PHLDB3: variants seen among roughly 807,000 people sequenced by gnomAD.
PHLDB3 encodes pleckstrin homology-like domain family B member 3.
In PHLDB3, 86 loss-of-function variants were observed where a neutral mutation model predicts 85.7. That is an observed-to-expected ratio of 1.00 (90% CI 0.84 to 1.20). The LOEUF (loss-of-function observed/expected upper bound fraction) is 1.20. Ranked by LOEUF, PHLDB3 falls within the 50% of genes most tolerant of loss-of-function variation. PHLDB3 has a pLI of 0.00. For synonymous variants in PHLDB3, 376 were observed against 349.8 expected (o/e 1.07, Z -0.83); for missense variants, 995 against 873.0 (o/e 1.14, Z -1.76).
intron 14 of PHLDB3, among the ~76,000 whole-genome samples, 154 bp from the exon 15 acceptor site, chr19:43,478,286 G>T (rs545883816): frequency 6.6e-6 from 1 of 152,254 alleles, no homozygotes; most frequent in East Asian, 1.9e-4. Flanking sequence ...GGAGGTGAGT[G>T]AATGTTAACG....
rs1255441075 is a variant in PHLDB3 at position 43,502,246 on chromosome 19, G to T, written c.251C>A (p.Pro84His). The change falls in exon 3 of 16, where the codon CCT (proline) becomes CAT (histidine). Residue 84 changes from proline (P) to histidine (H), a missense_variant. By Grantham distance (77) the Pro-to-His change is moderately conservative. Transcript: ENST00000292140. The part of the protein sequence containing the change: ...ATPPIAMAAT[P>H]PASTSSREGV... ...TTCCCGCGAAGAGGTGGATGCGGGAGGTGTGGCCGCCATAGCTATCGGAGG... is the reference window on the plus strand; with the variant it reads ...TTCCCGCGAAGAGGTGGATGCGGGATGTGTGGCCGCCATAGCTATCGGAGG... 6.4e-7 allele frequency: 1 copy of T among 1,564,854 alleles called. No individual in the cohort carries two copies. The highest frequency in any genetic ancestry group is 1.9e-5 in the Admixed American group (1 of 52,902).
chr19:43,495,691 C>T lies in PHLDB3; in HGVS notation c.826-71G>A, dbSNP rs935527816. ...CCACCCTCCCACAGAACCACATCTG[C>T]CTGGAGGGCTGGGGTTTACTCCAGC... On this transcript the variant is annotated intron_variant, in intron 6 of 15. Coordinates refer to ENST00000292140, the MANE Select transcript of PHLDB3 (RefSeq NM_198850.4). 21 of 1,529,262 alleles carry T rather than the reference C, an allele frequency of 1.4e-5. No individual in the cohort carries two copies. In the African/African-American group the frequency reaches 2.2e-4, roughly 16 times the overall value. 94.7% of individuals were successfully genotyped at this position (1,529,262 alleles called of 1,614,324 possible).
At chr19:43,494,605 A>G (rs1971397464) in intron 9 of PHLDB3, 97 bp downstream of exon 9, 1 of 977,942 alleles carries the variant, frequency 1.0e-6, no homozygotes, top group East Asian at 2.7e-5. Flanking sequence ...TCAGAGTGGA[A>G]GTTCTGGAGA....
intron 15 of PHLDB3, among the ~76,000 whole-genome samples, chr19:43,476,376 G>A (rs1203022572): frequency 6.6e-6 from 1 of 152,156 alleles, no homozygotes; most frequent in Non-Finnish European, 1.5e-5. Flanking sequence ...CGGGCTGGGT[G>A]GCTCACGCCT....
At chr19:43,500,924 C>T (rs1383005599) in intron 4 of PHLDB3, among the ~76,000 whole-genome samples, 1 of 119,110 alleles carries the variant, frequency 8.4e-6, no homozygotes, top group African/African-American at 3.0e-5. Context: ...CCCCCCACCC[C>T]GCAAGTACTG....
In PHLDB3 at chr19:43,486,805, G is replaced by C; in HGVS notation, c.1315C>G (p.Leu439Val). ...GDSGRYPLYQ[L>V]LNCGRGNSCG... is the part of the protein sequence containing the mutation. ...CTATTCCCACGGCCACAGTTCAGCA[G>C]CTGGTAGAGGGGGTATCTGCCGGAG... Residue 439 changes from leucine to valine, a missense_variant, in exon 11 of 16, where the codon CTG becomes GTG. Leu to Val is a conservative substitution (Grantham distance 32). Coordinates refer to ENST00000292140, the MANE Select transcript of PHLDB3 (RefSeq NM_198850.4). 6.3e-7 allele frequency: 1 copy of C among 1,596,368 alleles called. No homozygotes were observed. Among genetic ancestry groups the C allele is most frequent in the Non-Finnish European group, 8.5e-7 (1 of 1,169,724 alleles).
chr19:43,489,988 C>T (rs1971276047), intron 9 of PHLDB3, among the ~76,000 whole-genome samples: 1 of 137,804 alleles, frequency 7.3e-6, no homozygotes, highest in Non-Finnish European at 1.5e-5. Context: ...GCCTGAGCGG[C>T]AGAGCAAGAC....
intron 9 of PHLDB3, among the ~76,000 whole-genome samples, chr19:43,489,253 GCTACTCA>G (rs1971256583): frequency 1.3e-5 from 2 of 152,106 alleles, no homozygotes; most frequent in African/African-American, 4.8e-5. Flanking sequence ...TGTAGTCCCA[GCTACTCA>G]GGAGGCTGAG....
intron 9 of PHLDB3, among the ~76,000 whole-genome samples, chr19:43,490,162 T>C (rs1971281659): frequency 6.6e-6 from 1 of 152,012 alleles, no homozygotes; most frequent in Non-Finnish European, 1.5e-5. Flanking sequence ...GTCTCAGTGG[T>C]AGTTTCCTGA....
At chr19:43,487,585 A>AAAAAAAAAAAAAAAC (rs1568477408) in intron 9 of PHLDB3, among the ~76,000 whole-genome samples, 1 of 141,632 alleles carries the variant, frequency 7.1e-6, no homozygotes, top group East Asian at 2.1e-4. Flanking sequence ...AAAAAAAAAA[A>AAAAAAAAAAAAAAAC]AAAAAAACAC....
chr19:43,497,991 T>C (rs1599956958), intron 4 of PHLDB3, 115 bp from the exon 5 acceptor site: 1 of 1,427,552 alleles, frequency 7.0e-7, no homozygotes. Context: ...GGACTTCATC[T>C]ATGTGATTCA....
chr19:43,502,295 G>A lies in PHLDB3; in HGVS notation c.214-12C>T. On this transcript the variant is annotated splice_polypyrimidine_tract_variant and intron_variant, in intron 2 of 15. Transcript: ENST00000292140. Reference sequence around the variant, plus strand: ...GGCGTAGCCTCGGGCTGAAGTTGAGGGGGGCGTGGTTAAGTGGAGATGCCT... The same window carrying A: ...GGCGTAGCCTCGGGCTGAAGTTGAGAGGGGCGTGGTTAAGTGGAGATGCCT... The A allele has an allele frequency of 6.5e-7, 1 of 1,546,870 alleles. No homozygotes were observed. Among genetic ancestry groups the A allele is most frequent in the Non-Finnish European group, 8.7e-7 (1 of 1,151,176 alleles).
At chr19:43,497,601 A>T in intron 5 of PHLDB3, 147 bp downstream of exon 5, 1 of 882,238 alleles carries the variant, frequency 1.1e-6, no homozygotes, top group Non-Finnish European at 1.7e-6. Flanking sequence ...AGTCCCAGCT[A>T]CACGGGAGGC....
At position 43,503,930 on chromosome 19, in the gene PHLDB3, G is replaced by C. The variant is rs1971682260; in HGVS notation, c.189C>G (p.Ser63Arg). The change falls in exon 2 of 16, where the codon AGC becomes AGG. Residue 63 changes from serine (S) to arginine (R), a missense_variant. Physicochemically the swap from Ser to Arg is moderately radical, Grantham distance 110. Transcript: ENST00000292140. ...QAEEEEVGEG[S>R]STESSRDAPE... ...CCGCGTCGCGGCTGCTCTCAGTGCT[G>C]CTGCCTTCTCCCACTTCTTCTTCCT... 1.2e-6 allele frequency: 2 copies of C among 1,613,754 alleles called. No homozygotes were observed. The highest frequency in any genetic ancestry group is 2.2e-5 in the South Asian group (2 of 91,084).
chr19:43,502,429 C>G, intron 2 of PHLDB3, 146 bp from the exon 3 acceptor site: 1 of 683,760 alleles, frequency 1.5e-6, no homozygotes, highest in East Asian at 3.1e-5. Context: ...CATAATCTGT[C>G]GCAGGCTCTT....
intron 14 of PHLDB3, among the ~76,000 whole-genome samples, chr19:43,479,046 G>A (rs1348087084): frequency 1.3e-5 from 2 of 152,196 alleles, no homozygotes; most frequent in African/African-American, 4.8e-5. Flanking sequence ...AGCTGACAGT[G>A]CAGGTTCAGA....
intron 9 of PHLDB3, 65 bp from the exon 10 acceptor site, chr19:43,487,188 T>G: frequency 7.2e-7 from 1 of 1,384,024 alleles, no homozygotes; most frequent in Admixed American, 2.0e-5. Context: ...GTCAGAGCAC[T>G]GCCCAGTGAA....
chr19:43,495,770 G>T, intron 6 of PHLDB3, 150 bp from the exon 7 acceptor site: 2 of 1,127,126 alleles, frequency 1.8e-6, no homozygotes, highest in Non-Finnish European at 2.4e-6. Flanking sequence ...CCAGCGTTCA[G>T]CTCCCTGGAC....
intron 15 of PHLDB3, among the ~76,000 whole-genome samples, chr19:43,477,799 C>CACACACA (rs1176593866): frequency 1.4e-5 from 2 of 147,094 alleles, no homozygotes; most frequent in Non-Finnish European, 3.0e-5. Flanking sequence ...CAGAATGAGA[C>CACACACA]TCTGTCTTAA....
Sources: gnomAD v4.1 joint callset for allele counts (sites outside exome capture counted in the v4.1 genomes callset) on GRCh38, gnomAD v4.1.1 for gene constraint, MANE v1.5 for transcripts, NCBI Gene and HGNC (gene_info 2026-07-23, HGNC 2026-07-21) for gene names.